Variants in B3GALT5 observed in about 807,000 individuals in gnomAD.
B3GALT5 encodes the protein UDP-Gal:betaGlcNAc beta 1,3-galactosyltransferase, polypeptide 5.
For synonymous variants in B3GALT5, 156 were observed against 158.6 expected (o/e 0.98, Z 0.12); for missense variants, 328 against 396.6 (o/e 0.83, Z 1.47).
At position 39,662,852 on chromosome 21, in the gene B3GALT5, A is replaced by G. The variant is rs1426317287; in HGVS notation, c.*1360A>G. 3 of 166,878 alleles carry G rather than the reference A, an allele frequency of 1.8e-5. No homozygotes were observed. Among genetic ancestry groups the G allele is most frequent in the African/African-American group, 7.2e-5 (3 of 41,460 alleles). 10.3% of individuals were successfully genotyped at this position (166,878 alleles called of 1,614,324 possible). On this transcript the variant is annotated 3_prime_UTR_variant, in exon 4 of 4. Transcript: ENST00000684187. ...TTTGTACTCAGAGAAGAGGCCTCAC[A>G]TGGCTGTGTCACATATAAATGTTGG...
Position 39,668,066 on chromosome 21 carries a change from G to A in B3GALT5, c.*6574G>A, listed in dbSNP as rs980558981. ...CAGGCTGAATGCATGGGCTGCTATCGCGATGTTGTATCTAATGGCCTGCAG... is the reference window on the plus strand; with the variant it reads ...CAGGCTGAATGCATGGGCTGCTATCACGATGTTGTATCTAATGGCCTGCAG... On this transcript the variant is annotated 3_prime_UTR_variant, in exon 4 of 4. Transcript: ENST00000684187. 6 of 152,242 alleles carry A rather than the reference G, an allele frequency of 3.9e-5. No homozygotes were observed. The highest frequency in any genetic ancestry group is 3.9e-4 in the Admixed American group (6 of 15,288). The allele number at this position is 152,242 out of a possible 1,614,324, so 9.4% of individuals were successfully genotyped here.
intron 2 of B3GALT5, among the ~76,000 whole-genome samples, chr21:39,654,851 T>C (rs2079427047): frequency 6.6e-6 from 1 of 152,194 alleles, no homozygotes; most frequent in Non-Finnish European, 1.5e-5. Flanking sequence ...ACGTAAGATA[T>C]GTATGTTATT....
chr21:39,647,425 T>C (rs1664112624), intron 2 of B3GALT5, among the ~76,000 whole-genome samples: 1 of 152,154 alleles, frequency 6.6e-6, no homozygotes, highest in African/African-American at 2.4e-5. Context: ...TTGTTTTAAT[T>C]AATTAATTAA....
intron 1 of B3GALT5, among the ~76,000 whole-genome samples, chr21:39,636,408 G>A (rs1219396339): frequency 2.6e-5 from 4 of 152,162 alleles, no homozygotes; most frequent in African/African-American, 7.2e-5. Context: ...TTAGCCAGGA[G>A]AAGCCAGGGA....
At chr21:39,659,005 G>GCCA (rs2079480463) in intron 2 of B3GALT5, among the ~76,000 whole-genome samples, 1 of 152,354 alleles carries the variant, frequency 6.6e-6, no homozygotes, top group South Asian at 2.1e-4. Flanking sequence ...GTTTTGGGAG[G>GCCA]CCAAGGCAGG....
rs375778774 is a variant in B3GALT5, at chr21:39,660,934, A to T, written c.375A>T (p.Leu125=). Residue 125 remains leucine, a synonymous_variant, in exon 4 of 4, where the codon CTA becomes CTT. Coordinates refer to ENST00000684187, the MANE Select transcript of B3GALT5 (RefSeq NM_001356336.2). The stretch of plus-strand genomic sequence containing the variant: ...GGGACATTATCCAGAAGGATTTCCT[A>T]GACGTCTATTACAATCTGACCCTGA... The part of the protein sequence containing the change: ...RHGDIIQKDF[L]DVYYNLTLKT... The T allele has an allele frequency of 3.1e-6, 5 of 1,607,844 alleles. No homozygotes were observed. The African/African-American group carries it at 6.7e-5, about 21-fold the overall frequency.
Position 39,671,661 on chromosome 21 carries a change from CT to C in B3GALT5, c.*10172del, listed in dbSNP as rs1483328813. 1 of 152,190 alleles carries C rather than the reference CT, an allele frequency of 6.6e-6. No individual in the cohort carries two copies. Among genetic ancestry groups the C allele is most frequent in the Non-Finnish European group, 1.5e-5 (1 of 68,034 alleles). The allele number at this position is 152,190 out of a possible 1,614,324, so 9.4% of individuals were successfully genotyped here. A position where few individuals can be genotyped will look rare whatever the true frequency, so the allele number is the denominator to read the frequency against. On this transcript the variant is annotated 3_prime_UTR_variant, in exon 4 of 4. Transcript: ENST00000684187. ...AAAATCTGTATGTGAACACTAGGAA[CT>C]TTATCATGGGCTGAGGTGTATTTGA...
chr21:39,651,383 C>T (rs1476905247), intron 2 of B3GALT5, among the ~76,000 whole-genome samples: 6 of 152,192 alleles, frequency 3.9e-5, no homozygotes, highest in African/African-American at 1.4e-4. Context: ...TCCAGGCCCT[C>T]CCGCAGGCTC....
chr21:39,656,149 A>G (rs1427463494), intron 2 of B3GALT5, among the ~76,000 whole-genome samples: 8 of 152,160 alleles, frequency 5.3e-5, no homozygotes, highest in Non-Finnish European at 8.8e-5. Flanking sequence ...GTTTTAAACA[A>G]GCCTCCCGGG....
At chr21:39,635,935 C>G (rs1173674983) in intron 1 of B3GALT5, among the ~76,000 whole-genome samples, 3 of 152,158 alleles carry the variant, frequency 2.0e-5, no homozygotes, top group African/African-American at 7.2e-5. Flanking sequence ...CCCTTTGATA[C>G]TCCAAGATTA....
At chr21:39,627,750 AG>A (rs1446868630) in intron 1 of B3GALT5, among the ~76,000 whole-genome samples, 1 of 152,154 alleles carries the variant, frequency 6.6e-6, no homozygotes, top group Non-Finnish European at 1.5e-5. Context: ...AGAAAGCATA[AG>A]GTGGAGAGGT....
rs1286833886 is a variant in B3GALT5, at chr21:39,669,426, G to T, written c.*7934G>T. 1 of 152,148 alleles carries T rather than the reference G, an allele frequency of 6.6e-6. No individual in the cohort carries two copies. Among genetic ancestry groups the T allele is most frequent in the Non-Finnish European group, 1.5e-5 (1 of 68,028 alleles). The allele number at this position is 152,148 out of a possible 1,614,324, so 9.4% of individuals were successfully genotyped here. On this transcript the variant is annotated 3_prime_UTR_variant, in exon 4 of 4. Transcript: ENST00000684187. ...CATTCATTCGTTTATTTATTCATCT[G>T]TTGAGTGCTCAGTGCTTTGACCGGG... is the stretch of plus-strand genomic sequence containing the variant.
At chr21:39,652,926 T>C (rs1230413447) in intron 2 of B3GALT5, among the ~76,000 whole-genome samples, 1 of 152,256 alleles carries the variant, frequency 6.6e-6, no homozygotes, top group Non-Finnish European at 1.5e-5. Flanking sequence ...TTTTCAGAGA[T>C]TTATTTTTAA....
Position 39,669,629 on chromosome 21 carries a change from T to C in B3GALT5, c.*8137T>C, listed in dbSNP as rs988621721. On this transcript the variant is annotated 3_prime_UTR_variant, in exon 4 of 4. Transcript: ENST00000684187. ...ATCGTAAGCCATGTCCATCCATACC[T>C]GCTGTTTCACTGAAACCCCACAGCA... 1.3e-5 allele frequency: 2 copies of C among 152,152 alleles called. No homozygotes were observed. The highest frequency in any genetic ancestry group is 1.3e-4 in the Admixed American group (2 of 15,272). The allele number at this position is 152,152 out of a possible 1,614,324, so 9.4% of individuals were successfully genotyped here. A position where few individuals can be genotyped will look rare whatever the true frequency, so the allele number is the denominator to read the frequency against.
chr21:39,639,808 G>C (rs1169077168), intron 1 of B3GALT5, among the ~76,000 whole-genome samples: 1 of 151,924 alleles, frequency 6.6e-6, no homozygotes, highest in Admixed American at 6.6e-5. Flanking sequence ...CTAAGTCACT[G>C]GCCCCTGCAT....
intron 2 of B3GALT5, among the ~76,000 whole-genome samples, chr21:39,658,793 C>T (rs915654984): frequency 6.6e-6 from 1 of 152,124 alleles, no homozygotes; most frequent in East Asian, 1.9e-4. Flanking sequence ...CCAAGCAGAG[C>T]AGGTAGTTGG....
intron 2 of B3GALT5, among the ~76,000 whole-genome samples, chr21:39,656,219 A>T (rs2079442828): frequency 1.3e-5 from 2 of 152,164 alleles, no homozygotes; most frequent in Admixed American, 6.5e-5. Flanking sequence ...AGGGACGTTG[A>T]TGTTGTTCCT....
chr21:39,633,757 T>C (rs1186663153), intron 1 of B3GALT5, among the ~76,000 whole-genome samples: 1 of 152,256 alleles, frequency 6.6e-6, no homozygotes, highest in Non-Finnish European at 1.5e-5. Flanking sequence ...GCTATTAACA[T>C]TGGCAAAGTT....
chr21:39,624,439 A>G (rs2079153319), intron 1 of B3GALT5, among the ~76,000 whole-genome samples: 1 of 152,212 alleles, frequency 6.6e-6, no homozygotes, highest in Admixed American at 6.5e-5. Context: ...ATAGTTGTGA[A>G]TATTATTCAA....
Sources: gnomAD v4.1 joint callset for allele counts (sites outside exome capture counted in the v4.1 genomes callset) on GRCh38, gnomAD v4.1.1 for gene constraint, MANE v1.5 for transcripts, NCBI Gene and HGNC (gene_info 2026-07-23, HGNC 2026-07-21) for gene names.